The following PPFIA2 variants were observed in gnomAD, a reference collection of about 807,000 sequenced individuals.
PPFIA2 encodes the protein liprin-alpha-2.
A neutral mutation model predicts 175.5 loss-of-function variants in PPFIA2; 46 were observed. The ratio of observed to expected loss-of-function variants is 0.26; its 90% confidence interval spans 0.21 to 0.34. The LOEUF (loss-of-function observed/expected upper bound fraction) is 0.34. Ranked by LOEUF, PPFIA2 falls within the 10% of genes least tolerant of loss-of-function variation. The pLI is 1.00. For synonymous variants in PPFIA2, 568 were observed against 511.4 expected, an observed-to-expected ratio of 1.11 and a Z score of -1.49; for missense variants, 1,179 against 1,506.1, an observed-to-expected ratio of 0.78 and a Z score of 3.60.
intron 7 of PPFIA2, among the ~76,000 whole-genome samples, chr12:81,411,368 T>A (rs2043932503): frequency 6.6e-6 from 1 of 152,080 alleles, no homozygotes; most frequent in Non-Finnish European, 1.5e-5. Context: ...TGATCCTTAT[T>A]TGTGTTTTCT....
At chr12:81,715,991 C>A (rs780477264) in intron 3 of PPFIA2, among the ~76,000 whole-genome samples, 1 of 150,954 alleles carries the variant, frequency 6.6e-6, no homozygotes, top group Non-Finnish European at 1.5e-5. Context: ...TTTTCTGTAA[C>A]AAATATTTAA....
intron 7 of PPFIA2, among the ~76,000 whole-genome samples, chr12:81,410,367 C>T (rs181564994): frequency 8.0e-4 from 121 of 152,076 alleles, no homozygotes; most frequent in Non-Finnish European, 1.4e-3. Flanking sequence ...AAGTTAATAG[C>T]GGGCTGGGAT....
intron 24 of PPFIA2, among the ~76,000 whole-genome samples, chr12:81,294,095 A>G (rs1192266212): frequency 2.0e-5 from 3 of 152,144 alleles, no homozygotes; most frequent in Non-Finnish European, 4.4e-5. Flanking sequence ...AACAATGGGT[A>G]CATGTGGACA....
chr12:81,276,005 T>G (rs1052282260), intron 28 of PPFIA2, among the ~76,000 whole-genome samples: 1 of 152,078 alleles, frequency 6.6e-6, no homozygotes, highest in Non-Finnish European at 1.5e-5. Flanking sequence ...AGGATGGTCT[T>G]GATCTCCTGA....
chr12:81,667,762 C>T (rs748440728), intron 4 of PPFIA2, among the ~76,000 whole-genome samples: 8 of 151,912 alleles, frequency 5.3e-5, no homozygotes, highest in Non-Finnish European at 8.8e-5. Flanking sequence ...ATATCCAGAC[C>T]ATTTTCAAGT....
intron 24 of PPFIA2, among the ~76,000 whole-genome samples, chr12:81,290,494 C>G (rs1163161051): frequency 1.3e-5 from 2 of 151,708 alleles, no homozygotes; most frequent in African/African-American, 2.4e-5. Context: ...TAACTTGTCT[C>G]ATAGAATTTG....
At chr12:81,392,272 A>AT (rs2040271441) in intron 8 of PPFIA2, among the ~76,000 whole-genome samples, 1 of 151,854 alleles carries the variant, frequency 6.6e-6, no homozygotes, top group African/African-American at 2.4e-5. Context: ...TGGAGTTGCT[A>AT]TTTTTTGAGA....
At chr12:81,628,891 T>C (rs2063037522) in intron 4 of PPFIA2, among the ~76,000 whole-genome samples, 1 of 152,208 alleles carries the variant, frequency 6.6e-6, no homozygotes, top group Non-Finnish European at 1.5e-5. Flanking sequence ...AGGGATCCAA[T>C]TGCACATAAG....
intron 4 of PPFIA2, among the ~76,000 whole-genome samples, chr12:81,470,292 C>T (rs999136964): frequency 1.3e-5 from 2 of 152,146 alleles, no homozygotes; most frequent in African/African-American, 4.8e-5. Flanking sequence ...GAATACACAG[C>T]TCTCTAAAGA....
intron 11 of PPFIA2, among the ~76,000 whole-genome samples, chr12:81,372,372 T>G (rs2035346915): frequency 6.6e-6 from 1 of 151,404 alleles, no homozygotes; most frequent in Admixed American, 6.6e-5. Context: ...TTATTAAGAA[T>G]ATCATTCAAA....
chr12:81,668,042 T>C (rs1198046920), intron 4 of PPFIA2, among the ~76,000 whole-genome samples: 1 of 152,052 alleles, frequency 6.6e-6, no homozygotes, highest in African/African-American at 2.4e-5. Flanking sequence ...ATTAGAGGAT[T>C]CTTTGGAGGT....
intron 21 of PPFIA2, among the ~76,000 whole-genome samples, chr12:81,329,970 A>G (rs1431721181): frequency 6.6e-6 from 1 of 152,238 alleles, no homozygotes; most frequent in Non-Finnish European, 1.5e-5. Context: ...AAGTTGCTAC[A>G]AAATGTAGGG....
chr12:81,623,151 T>C (rs1053754197), intron 4 of PPFIA2, among the ~76,000 whole-genome samples: 2 of 152,078 alleles, frequency 1.3e-5, no homozygotes, highest in Non-Finnish European at 2.9e-5. Context: ...ATATCTGATA[T>C]GTATCTATTT....
At chr12:81,380,872 T>C (rs1052453143) in intron 9 of PPFIA2, among the ~76,000 whole-genome samples, 1 of 152,106 alleles carries the variant, frequency 6.6e-6, no homozygotes, top group Non-Finnish European at 1.5e-5. Flanking sequence ...TTTTCACATG[T>C]GACTCGTCCT....
chr12:81,608,714 T>C (rs1394478175), intron 4 of PPFIA2, among the ~76,000 whole-genome samples: 1 of 152,038 alleles, frequency 6.6e-6, no homozygotes, highest in Non-Finnish European at 1.5e-5. Context: ...TAGTAGTATG[T>C]CAACCTTGCT....
intron 4 of PPFIA2, among the ~76,000 whole-genome samples, chr12:81,479,324 G>A (rs2057898047): frequency 1.3e-5 from 2 of 152,104 alleles, no homozygotes; most frequent in Admixed American, 1.3e-4. Flanking sequence ...GTGTGTATTT[G>A]CATGTGAGAT....
At chr12:81,758,813 G>C (rs781392646) in intron 1 of PPFIA2, 50 of 160,638 alleles carry the variant, frequency 3.1e-4, no homozygotes, top group Non-Finnish European at 4.8e-4. Flanking sequence ...ACCGGAGACC[G>C]GGGACTGGGT....
chr12:81,416,009 C>A (rs1417196391), intron 7 of PPFIA2, among the ~76,000 whole-genome samples: 1 of 151,502 alleles, frequency 6.6e-6, no homozygotes, highest in African/African-American at 2.4e-5. Context: ...AAAATACTAG[C>A]ATCTTCATTA....
chr12:81,365,371 C>T (rs530347801), intron 14 of PPFIA2, among the ~76,000 whole-genome samples: 79 of 151,890 alleles, frequency 5.2e-4, no homozygotes, highest in African/African-American at 1.9e-3. Context: ...GGGATTTACT[C>T]TCTCTGGAGA....
Sources: allele counts gnomAD v4.1 joint callset (sites outside exome capture counted in the v4.1 genomes callset), GRCh38; gene constraint gnomAD v4.1.1; transcripts MANE v1.5; gene names NCBI Gene and HGNC (gene_info 2026-07-23, HGNC 2026-07-21).